PARP12: variants seen among roughly 807,000 people sequenced by gnomAD.
The protein encoded by PARP12 is poly(ADP-ribose) polymerase family member 12.
A neutral mutation model predicts 72.4 loss-of-function variants in PARP12; 59 were observed. That is an observed-to-expected ratio of 0.81 (90% CI 0.66 to 1.01). The LOEUF is 1.01. Ranked by LOEUF, PARP12 falls within the 50% of genes least tolerant of loss-of-function variation. The pLI is 0.00. For missense variants in PARP12, 851 were observed against 914.0 expected (o/e 0.93, Z 0.89); for synonymous variants, 403 against 371.4 (o/e 1.09, Z -0.98).
In PARP12 at chr7:140,056,905, G is replaced by A. The variant is rs370144667; in HGVS notation, c.711C>T (p.Ser237=). 3.8e-5 allele frequency: 62 copies of A among 1,613,216 alleles called. No homozygotes were observed. The highest frequency in any genetic ancestry group is 4.7e-5 in the Non-Finnish European group (56 of 1,179,988). The change falls in exon 3 of 12, where the codon AGC becomes AGT. Residue 237 remains serine, a synonymous_variant. Coordinates refer to ENST00000263549, the MANE Select transcript of PARP12 (RefSeq NM_022750.4). ...YRNAHDIKNK[S]SAPSRVPPLF... ...GAGGAGGCACTCTGCTGGGGGCAGA[G>A]CTCTTATTCTTGATGTCATGTGCAT...
At chr7:140,056,527 TG>T (rs1817183529) in intron 3 of PARP12, among the ~76,000 whole-genome samples, 1 of 152,188 alleles carries the variant, frequency 6.6e-6, no homozygotes, top group African/African-American at 2.4e-5. Flanking sequence ...CATGCTCTCG[TG>T]GGGGTGAAGA....
chr7:140,060,540 T>C (rs1306946322), intron 1 of PARP12, among the ~76,000 whole-genome samples: 1 of 152,090 alleles, frequency 6.6e-6, no homozygotes, highest in Non-Finnish European at 1.5e-5. Flanking sequence ...AAACTCAAGG[T>C]CATCTGAGCC....
intron 6 of PARP12, among the ~76,000 whole-genome samples, chr7:140,039,840 G>T (rs1816381488): frequency 6.6e-6 from 1 of 152,146 alleles, no homozygotes; most frequent in Non-Finnish European, 1.5e-5. Context: ...ACTAGCACGT[G>T]GCATATCAAT....
intron 5 of PARP12, among the ~76,000 whole-genome samples, chr7:140,044,969 G>A (rs548267949): frequency 7.9e-5 from 12 of 151,592 alleles, no homozygotes; most frequent in East Asian, 1.9e-4. Flanking sequence ...AAAACAATAC[G>A]AATTTCTAAC....
intron 2 of PARP12, chr7:140,057,479 T>TA: frequency 2.5e-6 from 1 of 402,734 alleles, no homozygotes; most frequent in East Asian, 4.5e-5. Context: ...ACAATCTACC[T>TA]ATACTCTTCC....
At chr7:140,030,203 C>A (rs1164105007) in intron 8 of PARP12, among the ~76,000 whole-genome samples, 2 of 152,128 alleles carry the variant, frequency 1.3e-5, no homozygotes, top group Non-Finnish European at 1.5e-5. Context: ...ACAGTGGAAG[C>A]CAGAATACAG....
intron 10 of PARP12, 42 bp downstream of exon 10, chr7:140,027,234 G>A: frequency 1.2e-6 from 2 of 1,601,322 alleles, no homozygotes; most frequent in Non-Finnish European, 1.7e-6. Context: ...GTGGTGTGAA[G>A]GGACAGAGTC....
chr7:140,057,539 C>T (rs528477449), intron 2 of PARP12: 8 of 358,894 alleles, frequency 2.2e-5, no homozygotes, highest in Admixed American at 4.4e-5. Context: ...TTTCTCTGAG[C>T]TCTCTTTTCT....
At chr7:140,053,531 T>C (rs1562928964) in intron 4 of PARP12, among the ~76,000 whole-genome samples, 1 of 152,160 alleles carries the variant, frequency 6.6e-6, no homozygotes, top group Non-Finnish European at 1.5e-5. Context: ...TGAGCATATA[T>C]ACTTATCAAA....
chr7:140,041,505 A>T, intron 6 of PARP12, 139 bp downstream of exon 6: 1 of 794,598 alleles, frequency 1.3e-6, no homozygotes, highest in Non-Finnish European at 2.0e-6. Flanking sequence ...AATTCTCCCA[A>T]AGCAAGTGAG....
chr7:140,061,872 T>C, intron 1 of PARP12, among the ~76,000 whole-genome samples: 1 of 141,130 alleles, frequency 7.1e-6, no homozygotes, highest in East Asian at 2.0e-4. Flanking sequence ...AAATGGGATG[T>C]GATCTTTAGG....
intron 5 of PARP12, among the ~76,000 whole-genome samples, chr7:140,043,416 AACTG>A (rs1332308496): frequency 2.0e-5 from 3 of 152,172 alleles, no homozygotes; most frequent in Admixed American, 1.3e-4. Context: ...AGACTATAAA[AACTG>A]ACTGGGTAAA....
chr7:140,027,527 C>A (rs953323659), intron 9 of PARP12, 121 bp from the exon 10 acceptor site: 6 of 1,211,770 alleles, frequency 5.0e-6, no homozygotes, highest in African/African-American at 3.0e-5. Flanking sequence ...AGAGCAGTGA[C>A]CACATTCTCC....
At chr7:140,051,940 GA>G (rs1488100029) in intron 4 of PARP12, among the ~76,000 whole-genome samples, 1 of 152,168 alleles carries the variant, frequency 6.6e-6, no homozygotes, top group Non-Finnish European at 1.5e-5. Context: ...TGGCCCTCTA[GA>G]AAGCCAACAA....
chr7:140,057,226 C>A, intron 2 of PARP12, 73 bp from the exon 3 acceptor site: 1 of 1,408,082 alleles, frequency 7.1e-7, no homozygotes, highest in Non-Finnish European at 9.7e-7. Flanking sequence ...GTGGCCAGTC[C>A]ACTGGTGAGA....
chr7:140,052,574 T>C (rs1817007739), intron 4 of PARP12, among the ~76,000 whole-genome samples: 1 of 152,204 alleles, frequency 6.6e-6, no homozygotes, highest in Admixed American at 6.5e-5. Flanking sequence ...AGGGGCTCTT[T>C]CCAAATTGAT....
intron 6 of PARP12, among the ~76,000 whole-genome samples, chr7:140,039,085 G>C (rs1396262392): frequency 6.6e-6 from 1 of 152,220 alleles, no homozygotes; most frequent in African/African-American, 2.4e-5. Context: ...GGGTGTAAGA[G>C]GTATAATGGT....
rs1056565273 is a variant in PARP12, at chr7:140,038,426, C to T, written c.1183-570G>A. The T allele has an allele frequency of 3.0e-5, 15 of 497,058 alleles. 1 individual carries two copies. In the East Asian group the frequency reaches 2.1e-3, roughly 70 times the overall value. 30.8% of individuals were successfully genotyped at this position (497,058 alleles called of 1,614,324 possible). On this transcript the variant is annotated intron_variant, in intron 6 of 11. Coordinates refer to ENST00000263549, the MANE Select transcript of PARP12 (RefSeq NM_022750.4). ...GTGAGTTTGAATTCTGGCTCCCAAACCTGCTGGCTCTATAACTTTGGCAAG... is the reference window on the plus strand; with the variant it reads ...GTGAGTTTGAATTCTGGCTCCCAAATCTGCTGGCTCTATAACTTTGGCAAG...
chr7:140,062,370 T>C, intron 1 of PARP12, 152 bp downstream of exon 1: 1 of 807,534 alleles, frequency 1.2e-6, no homozygotes, highest in Non-Finnish European at 1.8e-6. Flanking sequence ...CAGGTGCTCA[T>C]TAAACGCTCG....
Sources: allele counts gnomAD v4.1 joint callset (sites outside exome capture counted in the v4.1 genomes callset), GRCh38; gene constraint gnomAD v4.1.1; transcripts MANE v1.5; gene names NCBI Gene and HGNC (gene_info 2026-07-23, HGNC 2026-07-21).